Variants in MAN2A2 observed in about 807,000 individuals in gnomAD.
MAN2A2 encodes the protein mannosidase alpha class 2A member 2.
Under a neutral mutation model 126.8 loss-of-function variants are expected in MAN2A2, and 79 were observed. That is an observed-to-expected ratio of 0.62 (90% confidence interval 0.52 to 0.75). The LOEUF (loss-of-function observed/expected upper bound fraction) is 0.75. Ranked by LOEUF, MAN2A2 falls within the 30% of genes least tolerant of loss-of-function variation. The pLI is 0.00. For synonymous variants in MAN2A2, 671 were observed against 618.7 expected, an observed-to-expected ratio of 1.08 and a Z score of -1.25; for missense variants, 1,392 against 1,522.4, an observed-to-expected ratio of 0.91 and a Z score of 1.43.
At chr15:90,905,763 T>A in intron 4 of MAN2A2, 40 bp downstream of exon 4, 1 of 1,609,200 alleles carries the variant, frequency 6.2e-7, no homozygotes, top group South Asian at 1.1e-5. Flanking sequence ...GAGTGTGGAG[T>A]GGGATTTCTG....
chr15:90,916,863 G>A (rs2035228768), intron 20 of MAN2A2, among the ~76,000 whole-genome samples: 1 of 152,226 alleles, frequency 6.6e-6, no homozygotes, highest in Admixed American at 6.5e-5. Context: ...TGGCAGAGAA[G>A]CCATGTGTGT....
intron 20 of MAN2A2, 68 bp downstream of exon 20, chr15:90,916,324 G>A: frequency 6.4e-7 from 1 of 1,569,402 alleles, no homozygotes; most frequent in South Asian, 1.1e-5. Context: ...GGGGGGTCCA[G>A]CCTAGGGCTC....
Position 90,908,802 on chromosome 15 carries a change from C to G in MAN2A2, c.1197-525C>G, listed in dbSNP as rs370356727. 2.3e-4 allele frequency among the ~76,000 whole-genome samples: 35 copies of G among 152,284 alleles called. 1 individual carries two copies. The South Asian group carries it at 7.3e-3, about 32-fold the overall frequency. On this transcript the variant is annotated intron_variant, in intron 8 of 22. Coordinates refer to ENST00000559717, the MANE Select transcript of MAN2A2 (RefSeq NM_006122.4). ...TATTGGCCAGGCTGGTCTTGAATTC[C>G]TGACCTCAGGTGATCTGCCTGCCCC...
At position 90,912,870 on chromosome 15, in the gene MAN2A2, T is replaced by G. The variant is rs79792206; in HGVS notation, c.2470-7T>G. 1.5e-3 allele frequency: 2,457 copies of G among 1,611,756 alleles called. 36 individuals carry two copies. The African/African-American group carries it at 0.03, about 19-fold the overall frequency. On this transcript the variant is annotated splice_region_variant and splice_polypyrimidine_tract_variant and intron_variant, in intron 16 of 22. Coordinates refer to ENST00000559717, the MANE Select transcript of MAN2A2 (RefSeq NM_006122.4). The stretch of plus-strand genomic sequence containing the variant: ...GTAGTTTCAACAGCAATCTGCTCTT[T>G]CTCTAGCCCTACGTCCCCAAGGAGC...
intron 19 of MAN2A2, among the ~76,000 whole-genome samples, chr15:90,914,554 CTT>C (rs562602410): frequency 1.3e-5 from 2 of 152,074 alleles, no homozygotes; most frequent in African/African-American, 2.4e-5. Flanking sequence ...GAGTTTCACT[CTT>C]TCGCCCAGGC....
chr15:90,905,883 A>T lies in MAN2A2; in HGVS notation c.574A>T (p.Thr192Ser). The change falls in exon 5 of 23, where the codon ACC becomes TCC. Residue 192 changes from threonine (T) to serine (S), a missense_variant. Transcript: ENST00000559717. Reference sequence around the variant, plus strand: ...CTTTGACAAGTACTACACAGAGCAGACCCAACACATCCTCAATAGCATGGT... The same window carrying T: ...CTTTGACAAGTACTACACAGAGCAGTCCCAACACATCCTCAATAGCATGGT... ...KTFDKYYTEQTQHILNSMVSK... is the reference protein window; with the variant it reads ...KTFDKYYTEQSQHILNSMVSK... 3 of 1,591,372 alleles carry T rather than the reference A, an allele frequency of 1.9e-6. No homozygotes were observed. The highest frequency in any genetic ancestry group is 2.6e-6 in the Non-Finnish European group (3 of 1,168,884).
At position 90,906,453 on chromosome 15, in the gene MAN2A2, T is replaced by C. The variant is rs761190345; in HGVS notation, c.791T>C (p.Ile264Thr). 1.2e-6 allele frequency: 2 copies of C among 1,614,168 alleles called. No individual in the cohort carries two copies. The highest frequency in any genetic ancestry group is 1.1e-5 in the South Asian group (1 of 91,090). Residue 264 changes from isoleucine to threonine, a missense_variant, in exon 6 of 23, where the codon ATT (isoleucine) becomes ACT (threonine). Coordinates refer to ENST00000559717, the MANE Select transcript of MAN2A2 (RefSeq NM_006122.4). Reference sequence around the variant, plus strand: ...GCCAATTCCCACTACTTTGCATTGATTGACCAGCTCATCGAAGGACACCAG... The same window carrying C: ...GCCAATTCCCACTACTTTGCATTGACTGACCAGCTCATCGAAGGACACCAG... ...DEANSHYFALIDQLIEGHQWL... is the reference protein window; with the variant it reads ...DEANSHYFALTDQLIEGHQWL...
Position 90,910,596 on chromosome 15 carries a change from A to G in MAN2A2, c.1673A>G (p.Glu558Gly). 3 of 1,614,118 alleles carry G rather than the reference A, an allele frequency of 1.9e-6. No homozygotes were observed. Among genetic ancestry groups the G allele is most frequent in the Non-Finnish European group, 2.5e-6 (3 of 1,180,024 alleles). ...YPLSDFTLLT[E>G]ARRTLGLFQH... ...CTGTCTGATTTCACCCTCCTGACGG[A>G]AGCTCGGCGCACATTGGGGCTCTTC... The change falls in exon 11 of 23, where the codon GAA (glutamate) becomes GGA (glycine). Residue 558 changes from glutamate to glycine, a missense_variant. Coordinates refer to ENST00000559717, the MANE Select transcript of MAN2A2 (RefSeq NM_006122.4).
rs371173228 is a variant in MAN2A2 at position 90,913,326 on chromosome 15, G to A, written c.2638G>A (p.Val880Ile). The A allele has an allele frequency of 1.6e-5, 26 of 1,613,680 alleles. No individual in the cohort carries two copies. The highest frequency in any genetic ancestry group is 1.7e-5 in the Non-Finnish European group (20 of 1,179,712). ...ISSLVDIRDY[V>I]NKELALHIHT... Reference sequence around the variant, plus strand: ...ATCCCTGGTGGACATCCGGGACTACGTCAACAAGGAGCTGGCCCTGCACAT... The same window carrying A: ...ATCCCTGGTGGACATCCGGGACTACATCAACAAGGAGCTGGCCCTGCACAT... The change falls in exon 18 of 23, where the codon GTC becomes ATC. Residue 880 changes from valine to isoleucine, a missense_variant. Coordinates refer to ENST00000559717, the MANE Select transcript of MAN2A2 (RefSeq NM_006122.4).
At chr15:90,912,713 C>T (rs552646862) in intron 16 of MAN2A2, 49 bp downstream of exon 16, 1 of 1,610,780 alleles carries the variant, frequency 6.2e-7, no homozygotes, top group South Asian at 1.1e-5. Flanking sequence ...CAGGAGGGGG[C>T]ACAGGCCTTC....
intron 6 of MAN2A2, 33 bp downstream of exon 6, chr15:90,906,530 C>G (rs12591833): frequency 0.047 from 75,088 of 1,613,800 alleles, 8,188 homozygotes; most frequent in East Asian, 0.41. Context: ...GGGTCTGCCC[C>G]CTGGGCTGTA....
intron 6 of MAN2A2, 34 bp downstream of exon 6, chr15:90,906,531 C>T (rs374045438): frequency 3.6e-4 from 575 of 1,613,790 alleles, no homozygotes; most frequent in South Asian, 4.1e-4. Flanking sequence ...GGTCTGCCCC[C>T]TGGGCTGTAA....
At position 90,911,218 on chromosome 15, in the gene MAN2A2, C is replaced by A. The variant is rs755051191; in HGVS notation, c.1923C>A (p.Ile641=). Residue 641 remains isoleucine (I), a synonymous_variant, in exon 13 of 23, where the codon ATC becomes ATA. Transcript: ENST00000559717. ...ACGCCCTCCCAGAGCGCACGGTGAT[C>A]CAGCTGGATTCCTCGCCCAGGTAAC... ...SHDALPERTV[I]QLDSSPRFVV... is the part of the protein sequence containing the mutation. 5.0e-6 allele frequency: 8 copies of A among 1,613,992 alleles called. No homozygotes were observed. The African/African-American group carries it at 6.7e-5, about 13-fold the overall frequency.
In MAN2A2 at chr15:90,910,701, T is replaced by A; in HGVS notation, c.1760+18T>A. 6.2e-7 allele frequency: 1 copy of A among 1,612,776 alleles called. No homozygotes were observed. The highest frequency in any genetic ancestry group is 1.3e-5 in the African/African-American group (1 of 75,012). Reference sequence around the variant, plus strand: ...GGGGTCAGGTGGGAGCCTTCTCTTTTCCCTTGTAAGCTCCCCTGCTCACTG... The same window carrying A: ...GGGGTCAGGTGGGAGCCTTCTCTTTACCCTTGTAAGCTCCCCTGCTCACTG... On this transcript the variant is annotated intron_variant, in intron 11 of 22. Coordinates refer to ENST00000559717, the MANE Select transcript of MAN2A2 (RefSeq NM_006122.4).
In MAN2A2 at chr15:90,911,183, T is replaced by C; in HGVS notation, c.1888T>C (p.Leu630=). The change falls in exon 13 of 23, where the codon TTA becomes CTA. Residue 630 remains leucine, a synonymous_variant. Transcript: ENST00000559717. ...CACTGAATTCCAGGATGACACTCGC[T>C]TAAGTCACGACGCCCTCCCAGAGCG... is the stretch of plus-strand genomic sequence containing the variant. The part of the protein sequence containing the change: ...APFLQVDDTR[L]SHDALPERTV... 1 of 1,614,056 alleles carries C rather than the reference T, an allele frequency of 6.2e-7. No homozygotes were observed. The highest frequency in any genetic ancestry group is 8.5e-7 in the Non-Finnish European group (1 of 1,179,990).
chr15:90,906,923 G>T lies in MAN2A2; in HGVS notation c.1009+10G>T. On this transcript the variant is annotated intron_variant, in intron 7 of 22. Transcript: ENST00000559717. ...TGGAGGCAGACATGGGGTAAGGCCGGGTAGGGTAGAGGGGGTTACTGCAGC... is the reference window on the plus strand; with the variant it reads ...TGGAGGCAGACATGGGGTAAGGCCGTGTAGGGTAGAGGGGGTTACTGCAGC... 2 of 1,613,416 alleles carry T rather than the reference G, an allele frequency of 1.2e-6. No homozygotes were observed. Among genetic ancestry groups the T allele is most frequent in the Non-Finnish European group, 1.7e-6 (2 of 1,179,964 alleles).
At chr15:90,906,250 G>C (rs1596141364) in intron 5 of MAN2A2, 120 bp from the exon 6 acceptor site, 1 of 1,391,426 alleles carries the variant, frequency 7.2e-7, no homozygotes, top group East Asian at 2.4e-5. Context: ...GTGTTCTCTT[G>C]GTCCTGGGAT....
intron 14 of MAN2A2, 59 bp from the exon 15 acceptor site, chr15:90,911,984 C>A: frequency 6.9e-7 from 1 of 1,439,114 alleles, no homozygotes; most frequent in South Asian, 1.2e-5. Context: ...AAGCGGATGC[C>A]TCAGCACCCC....
chr15:90,916,408 C>A, intron 20 of MAN2A2, 152 bp downstream of exon 20: 2 of 1,161,274 alleles, frequency 1.7e-6, no homozygotes, highest in Non-Finnish European at 2.4e-6. Context: ...GGCAGTCTGG[C>A]GTTTTGTGTC....
Sources: gnomAD v4.1 joint callset for allele counts (sites outside exome capture counted in the v4.1 genomes callset) on GRCh38, gnomAD v4.1.1 for gene constraint, MANE v1.5 for transcripts, NCBI Gene and HGNC (gene_info 2026-07-23, HGNC 2026-07-21) for gene names.